The following BUB3 variants were observed in gnomAD, a reference collection of about 807,000 sequenced individuals.
The protein encoded by BUB3 is mitotic checkpoint protein BUB3.
Under a neutral mutation model 39.9 loss-of-function variants are expected in BUB3, and 22 were observed. The observed-to-expected ratio is 0.55, with a 90% CI of 0.39 to 0.79. BUB3 has a LOEUF of 0.79. Ranked by LOEUF, BUB3 falls within the 30% of genes least tolerant of loss-of-function variation. BUB3 has a pLI of 0.00. For synonymous variants in BUB3, 168 were observed against 155.1 expected (o/e 1.08, Z -0.62); for missense variants, 303 against 415.4 (o/e 0.73, Z 2.35).
chr10:123,160,387 G>A lies in BUB3; in HGVS notation c.418-20G>A. On this transcript the variant is annotated intron_variant, in intron 4 of 7. Coordinates refer to ENST00000368865, the MANE Select transcript of BUB3 (RefSeq NM_004725.4). ...CAGGCAAGAAGGTGATTTTTAGCAA[G>A]TTTTGATCTTTTTTAAAAGGTATAT... 6.7e-7 allele frequency: 1 copy of A among 1,497,400 alleles called. No individual in the cohort carries two copies. Among genetic ancestry groups the A allele is most frequent in the Non-Finnish European group, 8.9e-7 (1 of 1,121,166 alleles). 92.8% of individuals were successfully genotyped at this position (1,497,400 alleles called of 1,614,324 possible). A position where few individuals can be genotyped will look rare whatever the true frequency, so the allele number is the denominator to read the frequency against.
Position 123,167,435 on chromosome 10 carries a change from T to G in BUB3, c.*3600T>G, listed in dbSNP as rs558752432. On this transcript the variant is annotated 3_prime_UTR_variant, in exon 8 of 8. Transcript: ENST00000368865. ...CCTCCTGCTTGTATACCTTTAGCAG[T>G]AGTTCCTCATATTGCCTGGCATTTA... The G allele has an allele frequency of 6.6e-6, 1 of 152,288 alleles. No homozygotes were observed. Among genetic ancestry groups the G allele is most frequent in the East Asian group, 1.9e-4 (1 of 5,172 alleles). The allele number at this position is 152,288 out of a possible 1,614,324, so 9.4% of individuals were successfully genotyped here. A position where few individuals can be genotyped will look rare whatever the true frequency, so the allele number is the denominator to read the frequency against.
Position 123,165,836 on chromosome 10 carries a change from C to T in BUB3, c.*2001C>T, listed in dbSNP as rs1483276526. The T allele has an allele frequency of 2.0e-5, 3 of 152,146 alleles. No individual in the cohort carries two copies. The highest frequency in any genetic ancestry group is 2.9e-5 in the Non-Finnish European group (2 of 68,048). 9.4% of individuals were successfully genotyped at this position (152,146 alleles called of 1,614,324 possible). On this transcript the variant is annotated 3_prime_UTR_variant, in exon 8 of 8. Coordinates refer to ENST00000368865, the MANE Select transcript of BUB3 (RefSeq NM_004725.4). ...TTGGGAAGGTAAATAATGTAATAGC[C>T]AGGGACTGATGGTATTAGTTCTTTA...
rs1844526501 is a variant in BUB3 at position 123,169,478 on chromosome 10, T to C, written c.*5643T>C. On this transcript the variant is annotated 3_prime_UTR_variant, in exon 8 of 8. Transcript: ENST00000368865. Reference sequence around the variant, plus strand: ...GTGGCCACATTTTGTTTTCAAGACCTTGGCCAACCTTTGGTCTTCACAGCC... The same window carrying C: ...GTGGCCACATTTTGTTTTCAAGACCCTGGCCAACCTTTGGTCTTCACAGCC... The C allele has an allele frequency of 6.6e-6, 1 of 152,250 alleles. No homozygotes were observed. Among genetic ancestry groups the C allele is most frequent in the Admixed American group, 6.5e-5 (1 of 15,290 alleles). 9.4% of individuals were successfully genotyped at this position (152,250 alleles called of 1,614,324 possible).
At chr10:123,157,368 G>A (rs1468201924) in intron 3 of BUB3, among the ~76,000 whole-genome samples, 1 of 152,214 alleles carries the variant, frequency 6.6e-6, no homozygotes, top group Non-Finnish European at 1.5e-5. Context: ...ACCAGACCTT[G>A]CACTAGATAC....
At position 123,167,900 on chromosome 10, in the gene BUB3, T is replaced by C. The variant is rs1297834546; in HGVS notation, c.*4065T>C. On this transcript the variant is annotated 3_prime_UTR_variant, in exon 8 of 8. Coordinates refer to ENST00000368865, the MANE Select transcript of BUB3 (RefSeq NM_004725.4). ...AAACATCTCCATCACCTTGTTAAAT[T>C]GAGTTAAACAAATTTACAAGTTGAC... 1 of 152,172 alleles carries C rather than the reference T, an allele frequency of 6.6e-6. No homozygotes were observed. The highest frequency in any genetic ancestry group is 2.4e-5 in the African/African-American group (1 of 41,446). 9.4% of individuals were successfully genotyped at this position (152,172 alleles called of 1,614,324 possible).
rs150476541 is a variant in BUB3, at chr10:123,158,567, C to T, written c.417+687C>T. On this transcript the variant is annotated intron_variant, in intron 4 of 7. Coordinates refer to ENST00000368865, the MANE Select transcript of BUB3 (RefSeq NM_004725.4). ...GTTTAAGCAGTTTAAAGGTATCCCT[C>T]ACTTGAGTCTATTTCCTCAGCGTGA... Among the ~76,000 whole-genome samples, 16 of 152,342 alleles carry T rather than the reference C, an allele frequency of 1.1e-4. 1 individual carries two copies. In the East Asian group the frequency reaches 2.7e-3, roughly 26 times the overall value.
rs1029239208 is a variant in BUB3, at chr10:123,165,931, A to G, written c.*2096A>G. 6.6e-6 allele frequency: 1 copy of G among 152,182 alleles called. No homozygotes were observed. The highest frequency in any genetic ancestry group is 1.5e-5 in the Non-Finnish European group (1 of 68,030). The allele number at this position is 152,182 out of a possible 1,614,324, so 9.4% of individuals were successfully genotyped here. A position where few individuals can be genotyped will look rare whatever the true frequency, so the allele number is the denominator to read the frequency against. On this transcript the variant is annotated 3_prime_UTR_variant, in exon 8 of 8. Coordinates refer to ENST00000368865, the MANE Select transcript of BUB3 (RefSeq NM_004725.4). Reference sequence around the variant, plus strand: ...ACAGACCATAAGTTTAAAACATTGTATAAGTGAAAGAATTAATATAGTATT... The same window carrying G: ...ACAGACCATAAGTTTAAAACATTGTGTAAGTGAAAGAATTAATATAGTATT...
At position 123,154,953 on chromosome 10, in the gene BUB3, A is replaced by C. The variant is rs1844328481; in HGVS notation, c.36A>C (p.Pro12=). 16 of 1,614,018 alleles carry C rather than the reference A, an allele frequency of 9.9e-6. No homozygotes were observed. The highest frequency in any genetic ancestry group is 1.2e-5 in the Non-Finnish European group (14 of 1,179,992). The change falls in exon 2 of 8, where the codon CCA becomes CCC. Residue 12 remains proline (P), a synonymous_variant. Coordinates refer to ENST00000368865, the MANE Select transcript of BUB3 (RefSeq NM_004725.4). ...CTAACGAGTTCAAGCTGAACCAGCC[A>C]CCCGAGGATGGCATCTCCTCCGTGA... ...TGSNEFKLNQ[P]PEDGISSVKF...
rs1016413616 is a variant in BUB3 at position 123,167,482 on chromosome 10, C to G, written c.*3647C>G. On this transcript the variant is annotated 3_prime_UTR_variant, in exon 8 of 8. Transcript: ENST00000368865. ...TTTAAACATTTTTGTATGCGTACAT[C>G]TTGCTTTCCTACTTAAAGCAAGAGC... The G allele has an allele frequency of 6.6e-6, 1 of 152,182 alleles. No homozygotes were observed. The highest frequency in any genetic ancestry group is 2.4e-5 in the African/African-American group (1 of 41,436). 9.4% of individuals were successfully genotyped at this position (152,182 alleles called of 1,614,324 possible).
Position 123,164,383 on chromosome 10 carries a change from G to A in BUB3, c.*548G>A, listed in dbSNP as rs1844461486. 1.0e-6 allele frequency: 1 copy of A among 985,718 alleles called. No individual in the cohort carries two copies. The highest frequency in any genetic ancestry group is 1.2e-6 in the Non-Finnish European group (1 of 830,168). 61.1% of individuals were successfully genotyped at this position (985,718 alleles called of 1,614,324 possible). On this transcript the variant is annotated 3_prime_UTR_variant, in exon 8 of 8. Transcript: ENST00000368865. Reference sequence around the variant, plus strand: ...GGCTGTTAAACAAAGCGAGGTTAAGGTTAGACTCTTGGGAATCAGCTAGTT... The same window carrying A: ...GGCTGTTAAACAAAGCGAGGTTAAGATTAGACTCTTGGGAATCAGCTAGTT...
intron 3 of BUB3, among the ~76,000 whole-genome samples, chr10:123,156,495 C>T (rs1338371720): frequency 2.0e-5 from 3 of 152,160 alleles, no homozygotes; most frequent in South Asian, 2.1e-4. Context: ...AAACTAAGCA[C>T]CCAATTAGAA....
intron 7 of BUB3, 148 bp downstream of exon 7, chr10:123,162,976 A>G (rs1844445399): frequency 1.3e-6 from 1 of 750,408 alleles, no homozygotes. Context: ...TGTTCTCCCA[A>G]GCTTTCAATA....
rs919882451 is a variant in BUB3, at chr10:123,169,630, T to G, written c.*5795T>G. On this transcript the variant is annotated 3_prime_UTR_variant, in exon 8 of 8. Transcript: ENST00000368865. ...AAAAGCAATGTGGGCAGAAATTCCT[T>G]GTTCGAGAGCCTTCTGGTTATACTT... The G allele has an allele frequency of 2.6e-5, 4 of 152,228 alleles. No homozygotes were observed. Among genetic ancestry groups the G allele is most frequent in the African/African-American group, 9.6e-5 (4 of 41,462 alleles). 9.4% of individuals were successfully genotyped at this position (152,228 alleles called of 1,614,324 possible). A position where few individuals can be genotyped will look rare whatever the true frequency, so the allele number is the denominator to read the frequency against.
intron 3 of BUB3, among the ~76,000 whole-genome samples, 177 bp downstream of exon 3, chr10:123,155,904 T>C (rs1179036567): frequency 6.6e-6 from 1 of 152,248 alleles, no homozygotes; most frequent in African/African-American, 2.4e-5. Flanking sequence ...GATTACAGAA[T>C]ATTATGCATG....
Position 123,165,247 on chromosome 10 carries a change from A to G in BUB3, c.*1412A>G. 1.8e-6 allele frequency: 1 copy of G among 569,852 alleles called. No homozygotes were observed. The highest frequency in any genetic ancestry group is 3.2e-5 in the South Asian group (1 of 31,026). 35.3% of individuals were successfully genotyped at this position (569,852 alleles called of 1,614,324 possible). On this transcript the variant is annotated 3_prime_UTR_variant, in exon 8 of 8. Transcript: ENST00000368865. The stretch of plus-strand genomic sequence containing the variant: ...GTGTCCCTGTACAGTAGTCTGACGT[A>G]TTTCCCCTTCTGTCCCCTAGTAAGC...
intron 4 of BUB3, among the ~76,000 whole-genome samples, chr10:123,159,685 TAG>T (rs1844395439): frequency 6.6e-6 from 1 of 152,218 alleles, no homozygotes; most frequent in African/African-American, 2.4e-5. Flanking sequence ...AGGGGAAAAA[TAG>T]GGGATACACT....
chr10:123,156,659 A>G (rs867986159), intron 3 of BUB3, among the ~76,000 whole-genome samples: 139 of 152,314 alleles, frequency 9.1e-4, no homozygotes, highest in African/African-American at 3.0e-3. Context: ...ACTGAAAAGC[A>G]AACGTCTCGA....
chr10:123,160,263 A>G (rs1163309593), intron 4 of BUB3, 144 bp from the exon 5 acceptor site: 7 of 622,522 alleles, frequency 1.1e-5, no homozygotes, highest in Non-Finnish European at 1.8e-5. Context: ...GAATAATTGC[A>G]GTATCTAAAA....
At position 123,157,862 on chromosome 10, in the gene BUB3, C is replaced by A. The variant is rs749922735; in HGVS notation, c.399C>A (p.Thr133=). Residue 133 remains threonine, a synonymous_variant, in exon 4 of 8, where the codon ACC becomes ACA. Coordinates refer to ENST00000368865, the MANE Select transcript of BUB3 (RefSeq NM_004725.4). ...CCAGAACTCCTTGTAATGCTGGGAC[C>A]TTCTCTCAGCCTGAAAAGGTAGGCT... ...WDPRTPCNAG[T]FSQPEKVYTL... 2 of 1,613,040 alleles carry A rather than the reference C, an allele frequency of 1.2e-6. No individual in the cohort carries two copies. Among genetic ancestry groups the A allele is most frequent in the South Asian group, 2.2e-5 (2 of 90,798 alleles).
Sources: gnomAD v4.1 joint callset for allele counts (sites outside exome capture counted in the v4.1 genomes callset) on GRCh38, gnomAD v4.1.1 for gene constraint, MANE v1.5 for transcripts, NCBI Gene and HGNC (gene_info 2026-07-23, HGNC 2026-07-21) for gene names.